ZNF565: variants seen among roughly 807,000 people sequenced by gnomAD.
The protein encoded by ZNF565 is zinc finger protein 565.
A neutral mutation model predicts 39.4 loss-of-function variants in ZNF565; 27 were observed. That is an observed-to-expected ratio of 0.69 (90% CI 0.51 to 0.95). ZNF565 has a LOEUF of 0.95. Ranked by LOEUF, ZNF565 falls within the 40% of genes least tolerant of loss-of-function variation. The pLI, the probability that ZNF565 is intolerant of heterozygous loss-of-function variation, is 0.00. For missense variants in ZNF565, 524 were observed against 621.1 expected, an observed-to-expected ratio of 0.84 and a Z score of 1.66; for synonymous variants, 185 against 216.6, an observed-to-expected ratio of 0.85 and a Z score of 1.28.
chr19:36,223,205 T>G (rs1316122954), intron 1 of ZNF565, among the ~76,000 whole-genome samples: 1 of 151,654 alleles, frequency 6.6e-6, no homozygotes, highest in Non-Finnish European at 1.5e-5. Flanking sequence ...TCACTTGAGG[T>G]CAGGAGTTTG....
intron 1 of ZNF565, chr19:36,228,689 C>G (rs1977188985): frequency 6.6e-6 from 1 of 152,190 alleles, no homozygotes; most frequent in South Asian, 2.1e-4. Flanking sequence ...AGCCTGAGTT[C>G]TAGGATGGTA....
upstream of ZNF565, among the ~76,000 whole-genome samples, chr19:36,218,381 A>G (rs1198395561): frequency 1.3e-5 from 2 of 151,760 alleles, no homozygotes; most frequent in Non-Finnish European, 2.9e-5. Context: ...CTAGCTGCAA[A>G]AAAAATGCTT....
In ZNF565 at chr19:36,202,054, A is replaced by C; in HGVS notation, c.-65-4T>G. On this transcript the variant is annotated splice_region_variant and splice_polypyrimidine_tract_variant and intron_variant, in intron 1 of 4. Transcript: ENST00000304116. ...TCTCTTGGACAAGTGCAGAGTCCTG[A>C]AAAAGCAAAATGGGGGGAGATGGGG... The C allele has an allele frequency of 2.5e-6, 4 of 1,580,130 alleles. No homozygotes were observed. The highest frequency in any genetic ancestry group is 3.5e-6 in the Non-Finnish European group (4 of 1,149,424).
At chr19:36,241,747 G>C (rs996352213) in intron 1 of ZNF565, among the ~76,000 whole-genome samples, 1 of 139,084 alleles carries the variant, frequency 7.2e-6, no homozygotes, top group African/African-American at 2.7e-5. Flanking sequence ...AGCTGAGATT[G>C]TGCCACTGCA....
At chr19:36,185,159 A>G (rs1975242228) in intron 4 of ZNF565, among the ~76,000 whole-genome samples, 1 of 150,814 alleles carries the variant, frequency 6.6e-6, no homozygotes, top group Non-Finnish European at 1.5e-5. Flanking sequence ...TCATGTCTGT[A>G]ATCACAGCAC....
chr19:36,199,846 G>A (rs1975892625), intron 2 of ZNF565, among the ~76,000 whole-genome samples: 2 of 151,534 alleles, frequency 1.3e-5, no homozygotes, highest in Admixed American at 1.3e-4. Flanking sequence ...TTAAATTTTT[G>A]TTTGTAGAGA....
At chr19:36,218,614 A>T (rs1976711249), upstream of ZNF565, among the ~76,000 whole-genome samples, 1 of 147,822 alleles carries the variant, frequency 6.8e-6, no homozygotes, top group African/African-American at 2.5e-5. Context: ...TACAGGTGCC[A>T]GCCACCACGC....
chr19:36,209,301 C>T (rs550027988), intron 1 of ZNF565, among the ~76,000 whole-genome samples: 3 of 152,064 alleles, frequency 2.0e-5, no homozygotes, highest in South Asian at 4.2e-4. Context: ...GAGGCCGAGG[C>T]GGTTGGCAAC....
chr19:36,194,163 G>A, intron 4 of ZNF565, 70 bp downstream of exon 4: 3 of 1,329,172 alleles, frequency 2.3e-6, no homozygotes, highest in Non-Finnish European at 3.1e-6. Context: ...ACTTCCCACA[G>A]TAACTCAAGT....
intron 2 of ZNF565, among the ~76,000 whole-genome samples, chr19:36,199,492 ATTTC>A (rs1485037457): frequency 1.2e-4 from 17 of 147,264 alleles, no homozygotes; most frequent in South Asian, 4.3e-4. Flanking sequence ...TTTTAAATGA[ATTTC>A]TTTCTTTCTC....
chr19:36,184,094 A>C (rs903523187), intron 4 of ZNF565, among the ~76,000 whole-genome samples: 11 of 149,450 alleles, frequency 7.4e-5, no homozygotes, highest in African/African-American at 1.5e-4. Context: ...AAAAAAAAAA[A>C]AAAAAAAAAC....
At chr19:36,236,489 G>T (rs762960670) in intron 1 of ZNF565, 3 of 1,613,846 alleles carry the variant, frequency 1.9e-6, no homozygotes, top group South Asian at 1.1e-5. Context: ...AAACCCCTTT[G>T]CCTGTAAGGT....
intron 4 of ZNF565, among the ~76,000 whole-genome samples, chr19:36,186,635 A>C (rs1305981851): frequency 6.6e-6 from 1 of 151,976 alleles, no homozygotes; most frequent in Non-Finnish European, 1.5e-5. Flanking sequence ...CAAAAACACA[A>C]AAAATTAGCT....
Position 36,220,693 on chromosome 19 carries a change from A to G in ZNF565, c.56-18643T>C, listed in dbSNP as rs150032349. On this transcript the variant is annotated intron_variant, in intron 1 of 4. Coordinates refer to the ZNF565 transcript ENST00000355114. The stretch of plus-strand genomic sequence containing the variant: ...CTAGTTGTATTTTATAGTAAAAAAT[A>G]TGAAACAAGTTATAAGTACTTATTT... Among the ~76,000 whole-genome samples the G allele has an allele frequency of 1.4e-3, 207 of 152,196 alleles. 1 individual carries two copies. Among genetic ancestry groups the G allele is most frequent in the African/African-American group, 4.6e-3 (189 of 41,530 alleles).
chr19:36,182,786 T>TA lies in ZNF565; in HGVS notation c.1179dup (p.Lys394Ter). On this transcript the variant is annotated frameshift_variant, in exon 5 of 5. Coordinates refer to ENST00000304116, the MANE Select transcript of ZNF565 (RefSeq NM_152477.5). LOFTEE classifies it high-confidence loss of function. ...CGACTAAATGCCTTCCCGCAGTCCT[T>TA]ACATTCATAGGGTCTGTCGCCAGTA... 1 of 1,614,156 alleles carries TA rather than the reference T, an allele frequency of 6.2e-7. No individual in the cohort carries two copies. Among genetic ancestry groups the TA allele is most frequent in the Non-Finnish European group, 8.5e-7 (1 of 1,180,034 alleles).
At chr19:36,205,462 A>G (rs1422660193) in intron 1 of ZNF565, among the ~76,000 whole-genome samples, 2 of 152,084 alleles carry the variant, frequency 1.3e-5, no homozygotes, top group East Asian at 3.9e-4. Flanking sequence ...CAGGAGGCAG[A>G]GGTTGCGGTG....
In ZNF565 at chr19:36,183,608, C is replaced by T; in HGVS notation, c.358G>A (p.Glu120Lys). The change falls in exon 5 of 5, where the codon GAA (glutamate) becomes AAA (lysine). Residue 120 changes from glutamate (E) to lysine (K), a missense_variant. Glu to Lys is a moderately conservative substitution (Grantham distance 56). Transcript: ENST00000304116. ...TGTCTCTCAAACTGGCCTTCGCATT[C>T]CCAGTCAGCTCTAAAATCGGAGCCC... is the stretch of plus-strand genomic sequence containing the variant. ...LEGSDFRADW[E>K]CEGQFERQVN... 2 of 1,614,172 alleles carry T rather than the reference C, an allele frequency of 1.2e-6. No homozygotes were observed. The highest frequency in any genetic ancestry group is 1.7e-6 in the Non-Finnish European group (2 of 1,180,044).
Position 36,233,914 on chromosome 19 carries a change from C to T in ZNF565, c.55+11562G>A, listed in dbSNP as rs187762236. On this transcript the variant is annotated intron_variant, in intron 1 of 4. Transcript: ENST00000355114. Reference sequence around the variant, plus strand: ...AATCCTCCTCAGCACAGACCCTTTACGGGTGTCGGACTGGGGGACGGTCAG... The same window carrying T: ...AATCCTCCTCAGCACAGACCCTTTATGGGTGTCGGACTGGGGGACGGTCAG... Among the ~76,000 whole-genome samples, 43 of 146,732 alleles carry T rather than the reference C, an allele frequency of 2.9e-4. 1 individual carries two copies. Among genetic ancestry groups the T allele is most frequent in the Admixed American group, 2.6e-3 (39 of 15,088 alleles).
At chr19:36,209,665 G>A (rs957238079) in intron 1 of ZNF565, among the ~76,000 whole-genome samples, 4 of 152,140 alleles carry the variant, frequency 2.6e-5, no homozygotes, top group Non-Finnish European at 5.9e-5. Flanking sequence ...ACCAGGATGT[G>A]AGGGGAACCC....
Sources: gnomAD v4.1 joint callset for allele counts (sites outside exome capture counted in the v4.1 genomes callset) on GRCh38, gnomAD v4.1.1 for gene constraint, MANE v1.5 for transcripts, NCBI Gene and HGNC (gene_info 2026-07-23, HGNC 2026-07-21) for gene names.